The following MIPEP variants were observed in gnomAD, a reference collection of about 807,000 sequenced individuals.
MIPEP encodes the protein mitochondrial intermediate peptidase.
A neutral mutation model predicts 90.3 loss-of-function variants in MIPEP; 79 were observed. The observed-to-expected ratio is 0.87, with a 90% CI of 0.73 to 1.05. The LOEUF (loss-of-function observed/expected upper bound fraction) is 1.05. Ranked by LOEUF, MIPEP falls within the 50% of genes least tolerant of loss-of-function variation. The pLI is 0.00. For missense variants in MIPEP, 940 were observed against 905.6 expected (o/e 1.04, Z -0.49); for synonymous variants, 334 against 315.8 (o/e 1.06, Z -0.61).
At chr13:23,792,467 T>C (rs1952907095) in intron 16 of MIPEP, among the ~76,000 whole-genome samples, 1 of 152,210 alleles carries the variant, frequency 6.6e-6, no homozygotes, top group African/African-American at 2.4e-5. Flanking sequence ...GCTCATTGCC[T>C]TGACTGGACT....
chr13:23,889,228 G>T lies in MIPEP; in HGVS notation c.93C>A (p.Ile31=). ...AGCTGGTGCTGACCCTTCGGGCCCG[G>T]ATCCCGGCTTCGAGGCTTCCCCGGC... is the stretch of plus-strand genomic sequence containing the variant. ...RAGRGSLEAG[I]RARRVSTSWS... Residue 31 remains isoleucine (I), a synonymous_variant, in exon 1 of 19, where the codon ATC becomes ATA. Coordinates refer to ENST00000382172, the MANE Select transcript of MIPEP (RefSeq NM_005932.4). The T allele has an allele frequency of 1.4e-6, 2 of 1,414,548 alleles. No individual in the cohort carries two copies. Among genetic ancestry groups the T allele is most frequent in the Non-Finnish European group, 1.8e-6 (2 of 1,086,114 alleles). The allele number at this position is 1,414,548 out of a possible 1,614,324, so 87.6% of individuals were successfully genotyped here.
At chr13:23,797,401 A>G (rs1383261690) in intron 16 of MIPEP, among the ~76,000 whole-genome samples, 1 of 151,554 alleles carries the variant, frequency 6.6e-6, no homozygotes, top group Non-Finnish European at 1.5e-5. Context: ...TCACCCATGC[A>G]CTCCTCACTG....
At chr13:23,859,892 T>C (rs1257817676) in intron 9 of MIPEP, among the ~76,000 whole-genome samples, 1 of 152,240 alleles carries the variant, frequency 6.6e-6, no homozygotes, top group Non-Finnish European at 1.5e-5. Context: ...GTAATACTTA[T>C]ATCATGGGAT....
At chr13:23,849,101 C>G (rs17079431) in intron 10 of MIPEP, among the ~76,000 whole-genome samples, 1 of 152,204 alleles carries the variant, frequency 6.6e-6, no homozygotes, top group South Asian at 2.1e-4. Context: ...CCACGCCAGG[C>G]TCATCATGTG....
chr13:23,864,503 CA>C (rs368437784), intron 7 of MIPEP, among the ~76,000 whole-genome samples: 1 of 151,710 alleles, frequency 6.6e-6, no homozygotes, highest in Non-Finnish European at 1.5e-5. Context: ...AGGCTGAGGG[CA>C]GGGGGTGGAT....
rs76129955 is a variant in MIPEP at position 23,841,329 on chromosome 13, G to A, written c.1260+6C>T. ...TGCAACTGCAGGCTGAGCAGGAGGA[G>A]CTCACCAGTTTTCGGACATCTTCGC... On this transcript the variant is annotated splice_donor_region_variant and intron_variant, in intron 11 of 18. Transcript: ENST00000382172. The A allele has an allele frequency of 8.6e-4, 1,376 of 1,607,298 alleles. 13 individuals are homozygous for A. In the African/African-American group the frequency reaches 0.016, roughly 19 times the overall value.
chr13:23,862,112 G>GT (rs1432586018), intron 9 of MIPEP, among the ~76,000 whole-genome samples, 190 bp downstream of exon 9: 5 of 152,118 alleles, frequency 3.3e-5, no homozygotes, highest in African/African-American at 1.2e-4. Flanking sequence ...CAAAAATGCT[G>GT]TATGTACAGG....
Position 23,756,614 on chromosome 13 carries a change from C to A in MIPEP, c.1975G>T (p.Ala659Ser), listed in dbSNP as rs369995648. Residue 659 changes from alanine to serine, a missense_variant, in exon 18 of 19, where the codon GCC (alanine) becomes TCC (serine). By Grantham distance (99) the Ala-to-Ser change is moderately conservative. Transcript: ENST00000382172. ...ATCTCCCTGCGATAGCGCTCCCCGG[C>A]AGCCCTGGGGAAGAGAGGTTCTGTT... ...CFLQDPFNRA[A>S]GERYRREMLA... The A allele has an allele frequency of 1.1e-5, 18 of 1,612,674 alleles. No individual in the cohort carries two copies. The African/African-American group carries it at 2.3e-4, about 20-fold the overall frequency.
chr13:23,775,496 CT>C lies in MIPEP; in HGVS notation c.1849-15280del, dbSNP rs756439891. The stretch of plus-strand genomic sequence containing the variant: ...CTGATAATTTTATCTCAATATATTC[CT>C]TGTAGTTTTTCCCTTCCATACTCAT... On this transcript the variant is annotated intron_variant, in intron 16 of 18. Transcript: ENST00000382172. Among the ~76,000 whole-genome samples the C allele has an allele frequency of 2.1e-3, 323 of 152,246 alleles. 1 individual carries two copies. The highest frequency in any genetic ancestry group is 2.3e-3 in the Non-Finnish European group (154 of 68,026).
chr13:23,747,605 AT>A (rs759666423), intron 18 of MIPEP: 27 of 482,684 alleles, frequency 5.6e-5, no homozygotes, highest in East Asian at 1.2e-4. Flanking sequence ...ATGGCTATAT[AT>A]TTTTTTTCTT....
intron 10 of MIPEP, among the ~76,000 whole-genome samples, chr13:23,853,449 T>C (rs1869896516): frequency 6.6e-6 from 1 of 152,202 alleles, no homozygotes; most frequent in African/African-American, 2.4e-5. Context: ...TGCAGGTTTG[T>C]AGCCTAGGAG....
chr13:23,767,983 G>A (rs186534328), intron 16 of MIPEP, among the ~76,000 whole-genome samples: 13 of 152,274 alleles, frequency 8.5e-5, no homozygotes, highest in South Asian at 4.1e-4. Flanking sequence ...GCCCCGAGGC[G>A]TGTGGCTGTG....
intron 5 of MIPEP, among the ~76,000 whole-genome samples, chr13:23,872,105 A>C (rs1290576927): frequency 6.6e-6 from 1 of 152,240 alleles, no homozygotes; most frequent in Admixed American, 6.5e-5. Context: ...CTGTGTTATT[A>C]AATAATGTTA....
intron 18 of MIPEP, among the ~76,000 whole-genome samples, chr13:23,754,436 T>C (rs1425384847): frequency 6.6e-6 from 1 of 152,246 alleles, no homozygotes; most frequent in East Asian, 1.9e-4. Context: ...TTCTATTGTT[T>C]GTGTTAACTA....
chr13:23,781,668 T>C (rs1363747489), intron 16 of MIPEP, among the ~76,000 whole-genome samples: 3 of 152,130 alleles, frequency 2.0e-5, no homozygotes, highest in Admixed American at 6.5e-5. Context: ...GCAAATTGGA[T>C]AAAGAGTCAA....
chr13:23,861,842 C>A (rs74752617), intron 9 of MIPEP, among the ~76,000 whole-genome samples: 7,205 of 152,200 alleles, frequency 0.047, 231 homozygotes, highest in Middle Eastern at 0.071. Context: ...GAAAACAACA[C>A]TTAAGTGTTT....
At chr13:23,743,168 T>C (rs1952349386) in intron 18 of MIPEP, among the ~76,000 whole-genome samples, 1 of 152,274 alleles carries the variant, frequency 6.6e-6, no homozygotes, top group African/African-American at 2.4e-5. Flanking sequence ...CCAATTCTAA[T>C]AATTCATCAT....
chr13:23,846,775 T>C (rs1197944830), intron 10 of MIPEP, among the ~76,000 whole-genome samples: 6 of 152,170 alleles, frequency 3.9e-5, no homozygotes, highest in African/African-American at 1.4e-4. Flanking sequence ...TGCAAATATG[T>C]TGCCCATTTT....
chr13:23,777,590 T>G (rs943270043), intron 16 of MIPEP, among the ~76,000 whole-genome samples: 2 of 152,194 alleles, frequency 1.3e-5, no homozygotes, highest in African/African-American at 2.4e-5. Context: ...AAAGGTACTT[T>G]GCAACTTACG....
Sources: gnomAD v4.1 joint callset for allele counts (sites outside exome capture counted in the v4.1 genomes callset) on GRCh38, gnomAD v4.1.1 for gene constraint, MANE v1.5 for transcripts, NCBI Gene and HGNC (gene_info 2026-07-23, HGNC 2026-07-21) for gene names.